PCDHGB1: variants seen among roughly 807,000 people sequenced by gnomAD.
PCDHGB1 encodes protocadherin gamma subfamily B, 1, also known as protocadherin gamma-B1.
Under a neutral mutation model 56.6 loss-of-function variants are expected in PCDHGB1, and 34 were observed. The observed-to-expected ratio is 0.60, with a 90% confidence interval of 0.46 to 0.80. PCDHGB1 has a LOEUF of 0.80. PCDHGB1 is among the 30% of genes least tolerant of loss of function. The pLI, the probability that PCDHGB1 is intolerant of heterozygous loss-of-function variation, is 0.00. For synonymous variants in PCDHGB1, 561 were observed against 505.9 expected (o/e 1.11, Z -1.46); for missense variants, 1,278 against 1,204.6 (o/e 1.06, Z -0.90).
chr5:141,422,131 G>T (rs747294750), intron 1 of PCDHGB1: 3 of 1,598,182 alleles, frequency 1.9e-6, no homozygotes, highest in Non-Finnish European at 2.6e-6. Context: ...AACTGGAGAA[G>T]TTCAAGTACG....
rs543179504 is a variant in PCDHGB1, at chr5:141,381,358, A to G, written c.2409+28689A>G. ...AGCTTTCTTTTCTTTCTGCTAGCAG[A>G]GGGTAGCCTCGGATCCATCAATAAT... is the stretch of plus-strand genomic sequence containing the variant. On this transcript the variant is annotated intron_variant, in intron 1 of 3. Coordinates refer to ENST00000523390, the MANE Select transcript of PCDHGB1 (RefSeq NM_018922.3). Among the ~76,000 whole-genome samples the G allele has an allele frequency of 4.6e-5, 7 of 152,330 alleles. No individual in the cohort carries two copies. In the South Asian group the frequency reaches 1.4e-3, roughly 32 times the overall value.
chr5:141,369,665 A>T (rs1322092427), intron 1 of PCDHGB1, among the ~76,000 whole-genome samples: 1 of 152,242 alleles, frequency 6.6e-6, no homozygotes, highest in Non-Finnish European at 1.5e-5. Context: ...AAGATAAAAG[A>T]GAAGAAAGTG....
chr5:141,425,194 A>G (rs1464968527), intron 1 of PCDHGB1, among the ~76,000 whole-genome samples: 1 of 152,206 alleles, frequency 6.6e-6, no homozygotes, highest in Non-Finnish European at 1.5e-5. Context: ...CAAACTGAGA[A>G]AAATGATGTA....
chr5:141,401,353 AAGG>A (rs772220375), intron 1 of PCDHGB1, among the ~76,000 whole-genome samples: 7 of 152,166 alleles, frequency 4.6e-5, no homozygotes, highest in African/African-American at 7.2e-5. Flanking sequence ...AAAAAAAAGG[AAGG>A]AGAAGGAGAG....
intron 1 of PCDHGB1, chr5:141,416,850 T>C (rs2096064812): frequency 6.6e-6 from 1 of 151,902 alleles, no homozygotes; most frequent in South Asian, 2.1e-4. Flanking sequence ...AATTCCATGA[T>C]TTTTTTCAGG....
chr5:141,373,542 G>A (rs1451979596), intron 1 of PCDHGB1, among the ~76,000 whole-genome samples: 1 of 152,216 alleles, frequency 6.6e-6, no homozygotes. Flanking sequence ...GTTTGTGGTT[G>A]TTGGTACCCT....
intron 1 of PCDHGB1, chr5:141,371,062 G>T: frequency 6.2e-7 from 1 of 1,613,974 alleles, no homozygotes; most frequent in Non-Finnish European, 8.5e-7. Context: ...CCCTCCAGAA[G>T]CTGTACCACC....
chr5:141,413,197 T>C (rs1429088178), intron 1 of PCDHGB1: 1 of 1,611,552 alleles, frequency 6.2e-7, no homozygotes, highest in Non-Finnish European at 8.5e-7. Flanking sequence ...AAGGAATCGC[T>C]CAAAGGAATC....
Position 141,491,536 on chromosome 5 carries a change from C to T in PCDHGB1, c.2410-3271C>T, listed in dbSNP as rs746800813. 1.2e-6 allele frequency: 2 copies of T among 1,614,006 alleles called. No individual in the cohort carries two copies. Among genetic ancestry groups the T allele is most frequent in the Admixed American group, 3.3e-5 (2 of 60,030 alleles). On this transcript the variant is annotated intron_variant, in intron 1 of 3. Coordinates refer to ENST00000523390, the MANE Select transcript of PCDHGB1 (RefSeq NM_018922.3). This position sits in a 1 kb window ranked among gnomAD's most constrained non-coding sequence, Gnocchi z 6.9. ...CAAGTACATGGAGGTGACGCTGCGG[C>T]CCACAGACTCGCAGAGCCACTGCTA...
At position 141,375,817 on chromosome 5, in the gene PCDHGB1, G is replaced by T. The variant is rs376557886; in HGVS notation, c.2409+23148G>T. 8 of 1,614,164 alleles carry T rather than the reference G, an allele frequency of 5.0e-6. No homozygotes were observed. In the African/African-American group the frequency reaches 9.3e-5, roughly 19 times the overall value. ...ACGGTTCCACTGGCGTGGAGCTGGC[G>T]CCCCGCTCCGCAGAGCCCGGCTACC... On this transcript the variant is annotated intron_variant, in intron 1 of 3. Coordinates refer to ENST00000523390, the MANE Select transcript of PCDHGB1 (RefSeq NM_018922.3).
chr5:141,395,542 T>TTGTTTGTGTGTG (rs1267535064), intron 1 of PCDHGB1: 12 of 168,716 alleles, frequency 7.1e-5, no homozygotes, highest in African/African-American at 6.9e-4. Flanking sequence ...TTGCTATTGT[T>TTGTTTGTGTGTG]TGTGTGTGTG....
At chr5:141,352,975 G>A (rs1463043054) in intron 1 of PCDHGB1, among the ~76,000 whole-genome samples, 11 of 152,080 alleles carry the variant, frequency 7.2e-5, no homozygotes, top group Admixed American at 7.2e-4. Context: ...GTGATGGGAG[G>A]GAAACTGTCT....
chr5:141,371,790 C>A, intron 1 of PCDHGB1: 1 of 1,613,956 alleles, frequency 6.2e-7, no homozygotes, highest in Middle Eastern at 1.6e-4. Flanking sequence ...TGAGAACAAT[C>A]CGCCTGGAGC....
chr5:141,370,617 T>C lies in PCDHGB1; in HGVS notation c.2409+17948T>C, dbSNP rs1767063471. 3 of 1,613,958 alleles carry C rather than the reference T, an allele frequency of 1.9e-6. No individual in the cohort carries two copies. The South Asian group carries it at 3.3e-5, about 18-fold the overall frequency. ...GCGGGTTATTGCAGAGAAGAAATTCTTTACCGTGAGCCCCGAAAATGGGAA... is the reference window on the plus strand; with the variant it reads ...GCGGGTTATTGCAGAGAAGAAATTCCTTACCGTGAGCCCCGAAAATGGGAA... On this transcript the variant is annotated intron_variant, in intron 1 of 3. Coordinates refer to ENST00000523390, the MANE Select transcript of PCDHGB1 (RefSeq NM_018922.3).
intron 1 of PCDHGB1, chr5:141,357,208 G>A: frequency 1.2e-6 from 2 of 1,613,854 alleles, no homozygotes; most frequent in African/African-American, 1.3e-5. Flanking sequence ...CAGCATCCCA[G>A]ATGTCCTGGC....
At chr5:141,467,768 C>T (rs2099151160) in intron 1 of PCDHGB1, among the ~76,000 whole-genome samples, 2 of 151,794 alleles carry the variant, frequency 1.3e-5, no homozygotes, top group African/African-American at 2.4e-5. Flanking sequence ...CTCAAGTGCC[C>T]GCACCTCAGC....
intron 1 of PCDHGB1, chr5:141,362,043 C>T: frequency 6.2e-7 from 1 of 1,610,452 alleles, no homozygotes; most frequent in South Asian, 1.1e-5. Flanking sequence ...GCGACAGGGA[C>T]GCGGCCCGCC....
chr5:141,375,189 T>A, intron 1 of PCDHGB1: 1 of 1,613,998 alleles, frequency 6.2e-7, no homozygotes, highest in Non-Finnish European at 8.5e-7. Context: ...ATCGCCCTTT[T>A]TCAAGTGTTC....
rs1419365808 is a variant in PCDHGB1 at position 141,477,321 on chromosome 5, C to G, written c.2410-17486C>G. 1.2e-6 allele frequency: 2 copies of G among 1,614,160 alleles called. No homozygotes were observed. Among genetic ancestry groups the G allele is most frequent in the East Asian group, 4.5e-5 (2 of 44,874 alleles). On this transcript the variant is annotated intron_variant, in intron 1 of 3. Coordinates refer to ENST00000523390, the MANE Select transcript of PCDHGB1 (RefSeq NM_018922.3). The surrounding 1 kb of genome is among the most constrained non-coding windows in gnomAD (Gnocchi z 4.9). Reference sequence around the variant, plus strand: ...GGTCTCCCTTTCAGCCTTACTTCTTCCCTCAAGAATTACTTCACTTTGAAA... The same window carrying G: ...GGTCTCCCTTTCAGCCTTACTTCTTGCCTCAAGAATTACTTCACTTTGAAA...
Sources: gnomAD v4.1 joint callset for allele counts (sites outside exome capture counted in the v4.1 genomes callset) on GRCh38, gnomAD v4.1.1 for gene constraint, Gnocchi (gnomAD v3.1) non-coding constraint, MANE v1.5 for transcripts, NCBI Gene and HGNC (gene_info 2026-07-23, HGNC 2026-07-21) for gene names.